The following FAM107B variants were observed in gnomAD, a reference collection of about 807,000 sequenced individuals.
FAM107B encodes protein FAM107B.
In FAM107B, 21 loss-of-function variants were observed where a neutral mutation model predicts 31.5. That is an observed-to-expected ratio of 0.67 (90% CI 0.47 to 0.96). FAM107B has a LOEUF of 0.96. FAM107B is among the 40% of genes least tolerant of loss of function. FAM107B has a pLI of 0.00. For missense variants in FAM107B, 452 were observed against 377.1 expected, an observed-to-expected ratio of 1.20 and a Z score of -1.64; for synonymous variants, 157 against 141.5, an observed-to-expected ratio of 1.11 and a Z score of -0.78.
chr10:14,693,738 C>G (rs1855201457), intron 1 of FAM107B, among the ~76,000 whole-genome samples: 1 of 152,066 alleles, frequency 6.6e-6, no homozygotes, highest in African/African-American at 2.4e-5. Context: ...ACCCACTGAC[C>G]TCCATGTCCC....
chr10:14,559,625 A>C (rs1850059460), intron 2 of FAM107B, among the ~76,000 whole-genome samples: 2 of 150,788 alleles, frequency 1.3e-5, no homozygotes, highest in Non-Finnish European at 3.0e-5. Flanking sequence ...GCTGGAGTGC[A>C]GTGGCGCAAT....
intron 2 of FAM107B, among the ~76,000 whole-genome samples, chr10:14,638,393 T>G (rs1359619253): frequency 1.3e-5 from 2 of 152,146 alleles, no homozygotes; most frequent in South Asian, 4.1e-4. Flanking sequence ...AGAAGCATTA[T>G]GCTCCCTTCT....
intron 2 of FAM107B, among the ~76,000 whole-genome samples, chr10:14,616,447 C>T (rs947437074): frequency 6.6e-6 from 1 of 152,182 alleles, no homozygotes; most frequent in Non-Finnish European, 1.5e-5. Flanking sequence ...TATGCCTGAG[C>T]TGTAATCACA....
intron 1 of FAM107B, among the ~76,000 whole-genome samples, chr10:14,761,415 T>A (rs963570500): frequency 1.8e-4 from 27 of 152,242 alleles, no homozygotes; most frequent in African/African-American, 6.5e-4. Context: ...TACACACTTT[T>A]TCTCCACATT....
chr10:14,593,968 C>A (rs1384998089), intron 2 of FAM107B, among the ~76,000 whole-genome samples: 2 of 152,124 alleles, frequency 1.3e-5, no homozygotes, highest in African/African-American at 2.4e-5. Flanking sequence ...ATGCATGATG[C>A]CTAATTAAAT....
chr10:14,691,892 A>G (rs56314124), intron 1 of FAM107B, among the ~76,000 whole-genome samples: 706 of 57,494 alleles, frequency 0.012, 5 homozygotes, highest in Admixed American at 0.016. Context: ...AGACTCTGTC[A>G]CAAAAAAAAA....
At chr10:14,644,294 A>G (rs1853700944) in intron 2 of FAM107B, among the ~76,000 whole-genome samples, 1 of 152,220 alleles carries the variant, frequency 6.6e-6, no homozygotes, top group African/African-American at 2.4e-5. Flanking sequence ...TCCATATATT[A>G]CATTGTGTTA....
intron 2 of FAM107B, among the ~76,000 whole-genome samples, chr10:14,548,898 C>T (rs1319066185): frequency 2.0e-5 from 3 of 152,074 alleles, no homozygotes; most frequent in Non-Finnish European, 2.9e-5. Flanking sequence ...CCCTAACCCC[C>T]AAAGTGACAG....
intron 3 of FAM107B, among the ~76,000 whole-genome samples, chr10:14,528,597 A>G (rs1218770172): frequency 2.0e-5 from 3 of 152,208 alleles, no homozygotes; most frequent in Non-Finnish European, 4.4e-5. Context: ...AAGTTCTGGT[A>G]AAACCAAGAT....
At chr10:14,560,956 T>C (rs1412321390) in intron 2 of FAM107B, among the ~76,000 whole-genome samples, 1 of 152,210 alleles carries the variant, frequency 6.6e-6, no homozygotes, top group Non-Finnish European at 1.5e-5. Context: ...GCCAACTGTG[T>C]GGCCATCCCG....
chr10:14,746,752 G>A (rs188635942), intron 1 of FAM107B, among the ~76,000 whole-genome samples: 15 of 152,292 alleles, frequency 9.8e-5, no homozygotes, highest in African/African-American at 3.6e-4. Context: ...CAACCTTGGA[G>A]AATCTGATGA....
intron 2 of FAM107B, among the ~76,000 whole-genome samples, chr10:14,621,340 C>T (rs1853005923): frequency 6.6e-6 from 1 of 152,080 alleles, no homozygotes; most frequent in Non-Finnish European, 1.5e-5. Context: ...AATTCTGTGG[C>T]CCTGTTATTT....
At chr10:14,673,510 G>A (rs1344418937) in intron 1 of FAM107B, among the ~76,000 whole-genome samples, 2 of 152,086 alleles carry the variant, frequency 1.3e-5, no homozygotes, top group Admixed American at 6.5e-5. Context: ...TTGTATAAGT[G>A]CCACATTTTC....
intron 2 of FAM107B, among the ~76,000 whole-genome samples, chr10:14,619,073 C>G (rs539863737): frequency 3.0e-4 from 46 of 152,230 alleles, no homozygotes; most frequent in Non-Finnish European, 4.6e-4. Context: ...GAAGGAAACT[C>G]TCCTATAACC....
At chr10:14,694,082 T>C (rs750319302) in intron 1 of FAM107B, among the ~76,000 whole-genome samples, 8 of 152,250 alleles carry the variant, frequency 5.3e-5, no homozygotes, top group Non-Finnish European at 1.2e-4. Context: ...TATTCCGCTG[T>C]ATGTATATAC....
At chr10:14,667,352 T>C (rs540616761) in intron 2 of FAM107B, among the ~76,000 whole-genome samples, 1 of 152,366 alleles carries the variant, frequency 6.6e-6, no homozygotes, top group South Asian at 2.1e-4. Context: ...TTTGAAATTT[T>C]TTCATCATTA....
chr10:14,527,271 C>T (rs1394906927), intron 3 of FAM107B, among the ~76,000 whole-genome samples: 1 of 151,560 alleles, frequency 6.6e-6, no homozygotes, highest in Non-Finnish European at 1.5e-5. Context: ...AAGGTTTTAA[C>T]CGTCAGACCT....
At chr10:14,532,592 A>C (rs1458688566) in intron 2 of FAM107B, 1 of 152,234 alleles carries the variant, frequency 6.6e-6, no homozygotes, top group Non-Finnish European at 1.5e-5. Flanking sequence ...CAAACCTCGC[A>C]GAGGGTGACT....
In FAM107B at chr10:14,764,365, A is replaced by C. The variant is rs112564044; in HGVS notation, c.411+9888T>G. ...TAGGATGGGCAATCAAATCCTGCCT[A>C]TGTGCTTAGGTTCCAACAGTTGCCT... On this transcript the variant is annotated intron_variant, in intron 1 of 4. Transcript: ENST00000181796. Among the ~76,000 whole-genome samples the C allele has an allele frequency of 5.4e-3, 825 of 152,292 alleles. 3 individuals are homozygous for C. The highest frequency in any genetic ancestry group is 9.4e-3 in the Non-Finnish European group (641 of 68,020).
Sources: allele counts gnomAD v4.1 joint callset (sites outside exome capture counted in the v4.1 genomes callset), GRCh38; gene constraint gnomAD v4.1.1; transcripts MANE v1.5; gene names NCBI Gene and HGNC (gene_info 2026-07-23, HGNC 2026-07-21).